KLRG1: variants seen among roughly 807,000 people sequenced by gnomAD.
KLRG1 encodes the protein killer cell lectin like receptor G1.
KLRG1 carries 16 observed loss-of-function variants against 21.8 expected under a neutral mutation model. The ratio of observed to expected loss-of-function variants is 0.73; its 90% CI spans 0.50 to 1.11. KLRG1 has a LOEUF of 1.11. Among genes scored for constraint, KLRG1 ranks in the 50% most tolerant of loss-of-function variants. The probability of loss-of-function intolerance (pLI) is 0.00; values close to 1 mark genes in which losing one functional copy is unlikely to be tolerated. For missense variants in KLRG1, 173 were observed against 218.3 expected (o/e 0.79, Z 1.31); for synonymous variants, 69 against 75.9 (o/e 0.91, Z 0.47).
the KLRG1 span, chr12:9,091,053 A>T: frequency 2.0e-6 from 2 of 1,025,536 alleles, no homozygotes; most frequent in South Asian, 1.7e-5. Context: ...GCAATTTGGT[A>T]TTTGGAGATC....
chr12:9,071,053 A>G, the KLRG1 span, among the ~76,000 whole-genome samples: 2 of 151,888 alleles, frequency 1.3e-5, no homozygotes, highest in Non-Finnish European at 2.9e-5. Flanking sequence ...CTCCCGACCT[A>G]AGGTAATCTG....
chr12:9,008,475 A>G (rs1947540566), intron 3 of KLRG1, among the ~76,000 whole-genome samples: 1 of 152,260 alleles, frequency 6.6e-6, no homozygotes, highest in African/African-American at 2.4e-5. Context: ...TTTAGAGTGA[A>G]TAATTGTCTT....
intron 1 of KLRG1, among the ~76,000 whole-genome samples, chr12:8,961,475 C>T (rs11048276): frequency 0.016 from 2,502 of 152,118 alleles, 79 homozygotes; most frequent in African/African-American, 0.058. Context: ...TGCAATGGTG[C>T]GATCTCAGCT....
chr12:9,105,150 A>G, the KLRG1 span, among the ~76,000 whole-genome samples: 1 of 152,182 alleles, frequency 6.6e-6, no homozygotes, highest in Non-Finnish European at 1.5e-5. Context: ...ATTCTTTTTC[A>G]GTATAAGCTA....
chr12:8,991,998 A>T (rs1946984368), intron 1 of KLRG1: 3 of 451,032 alleles, frequency 6.7e-6, no homozygotes, highest in Non-Finnish European at 1.2e-5. Context: ...TATCTTGATA[A>T]ATATAGTAAG....
chr12:9,021,611 C>G, the KLRG1 span, among the ~76,000 whole-genome samples: 2 of 151,888 alleles, frequency 1.3e-5, no homozygotes, highest in Non-Finnish European at 2.9e-5. Context: ...GCTTAAAATA[C>G]AAACACATTG....
At chr12:9,202,330 G>A in the KLRG1 span, 20 of 1,613,734 alleles carry the variant, frequency 1.2e-5, no homozygotes, top group African/African-American at 2.7e-5. Flanking sequence ...AGTTCATTTC[G>A]AGGGCGAAAA....
At chr12:9,102,985 G>A in the KLRG1 span, among the ~76,000 whole-genome samples, 1 of 152,090 alleles carries the variant, frequency 6.6e-6, no homozygotes, top group African/African-American at 2.4e-5. Context: ...AATATGTATT[G>A]TATATCCATG....
the KLRG1 span, among the ~76,000 whole-genome samples, chr12:9,025,041 G>A: frequency 1.3e-5 from 2 of 152,156 alleles, no homozygotes; most frequent in Non-Finnish European, 2.9e-5. Context: ...ATGCCAAAGA[G>A]TTGTAAAGTA....
the KLRG1 span, among the ~76,000 whole-genome samples, chr12:9,056,602 G>T: frequency 6.6e-6 from 1 of 151,420 alleles, no homozygotes; most frequent in Non-Finnish European, 1.5e-5. Flanking sequence ...TTAGGGATGG[G>T]GTCTCACTCT....
At chr12:9,122,934 C>CT in the KLRG1 span, among the ~76,000 whole-genome samples, 124,321 of 152,008 alleles carry the variant, frequency 0.82, 51,163 homozygotes, top group African/African-American at 0.85. Flanking sequence ...TGGTTTTTGA[C>CT]TTTGGCAGTA....
At chr12:9,211,984 C>A in the KLRG1 span, among the ~76,000 whole-genome samples, 1 of 152,116 alleles carries the variant, frequency 6.6e-6, no homozygotes, top group East Asian at 1.9e-4. Flanking sequence ...TGAGGGTCTA[C>A]TTTAGAGTCC....
At chr12:9,208,404 G>A in the KLRG1 span, 2 of 1,372,604 alleles carry the variant, frequency 1.5e-6, no homozygotes, top group Non-Finnish European at 2.1e-6. Flanking sequence ...CTGGAGACCA[G>A]CTGAGTTTAC....
chr12:9,049,732 GCTAT>G, the KLRG1 span, among the ~76,000 whole-genome samples: 1 of 152,050 alleles, frequency 6.6e-6, no homozygotes, highest in African/African-American at 2.4e-5. Flanking sequence ...CCACCCTGTG[GCTAT>G]CTTTTATTAC....
At chr12:9,119,021 A>G in the KLRG1 span, among the ~76,000 whole-genome samples, 41 of 152,340 alleles carry the variant, frequency 2.7e-4, no homozygotes, top group Non-Finnish European at 3.7e-4. Context: ...AGGAAGAAAC[A>G]CAGGCAGGAG....
chr12:9,104,612 A>G, the KLRG1 span, among the ~76,000 whole-genome samples: 2 of 152,268 alleles, frequency 1.3e-5, no homozygotes, highest in Non-Finnish European at 2.9e-5. Context: ...CATAACATAC[A>G]CTAATTTAGT....
the KLRG1 span, chr12:9,068,337 T>G: frequency 9.3e-7 from 1 of 1,077,540 alleles, no homozygotes; most frequent in Admixed American, 2.3e-5. Flanking sequence ...AAGAACAGTA[T>G]TGTACCAGAA....
At chr12:9,091,498 C>A in the KLRG1 span, 2 of 1,513,988 alleles carry the variant, frequency 1.3e-6, no homozygotes, top group East Asian at 2.3e-5. Flanking sequence ...GAGAGAATCC[C>A]TAGGAATGAT....
At chr12:9,055,405 A>G in the KLRG1 span, among the ~76,000 whole-genome samples, 1 of 152,218 alleles carries the variant, frequency 6.6e-6, no homozygotes, top group Admixed American at 6.5e-5. Context: ...GATTGCCATT[A>G]CATTGCTTTG....
Sources: gnomAD v4.1 joint callset for allele counts (sites outside exome capture counted in the v4.1 genomes callset) on GRCh38, gnomAD v4.1.1 for gene constraint, MANE v1.5 for transcripts, NCBI Gene and HGNC (gene_info 2026-07-23, HGNC 2026-07-21) for gene names.